MAP3K13: variants seen among roughly 807,000 people sequenced by gnomAD.
MAP3K13 encodes leucine zipper-bearing kinase.
MAP3K13 carries 52 observed loss-of-function variants against 104.0 expected under a neutral mutation model. The observed-to-expected ratio is 0.50, with a 90% CI of 0.40 to 0.63. The LOEUF is 0.63. Ranked by LOEUF, MAP3K13 falls within the 20% of genes least tolerant of loss-of-function variation. The pLI, the probability that MAP3K13 is intolerant of heterozygous loss-of-function variation, is 0.00. For missense variants in MAP3K13, 914 were observed against 1,218.5 expected, an observed-to-expected ratio of 0.75 and a Z score of 3.72; for synonymous variants, 394 against 442.2, an observed-to-expected ratio of 0.89 and a Z score of 1.37.
chr3:185,447,980 A>T, intron 5 of MAP3K13, 33 bp downstream of exon 5: 1 of 1,588,762 alleles, frequency 6.3e-7, no homozygotes, highest in Non-Finnish European at 8.6e-7. Context: ...CCAACTAAAA[A>T]GCCTTTTCCC....
chr3:185,339,344 TAATGA>T (rs370364138), intron 2 of MAP3K13, among the ~76,000 whole-genome samples: 5 of 152,028 alleles, frequency 3.3e-5, no homozygotes, highest in Non-Finnish European at 5.9e-5. Flanking sequence ...TAAACTAAAA[TAATGA>T]AATGAAATGA....
intron 13 of MAP3K13, among the ~76,000 whole-genome samples, chr3:185,481,834 C>T (rs1718477316): frequency 6.6e-6 from 1 of 152,240 alleles, no homozygotes; most frequent in South Asian, 2.1e-4. Flanking sequence ...CCTGTAATCC[C>T]AGCACTTTGG....
chr3:185,453,263 T>C (rs1715993003), intron 7 of MAP3K13, among the ~76,000 whole-genome samples: 1 of 152,218 alleles, frequency 6.6e-6, no homozygotes, highest in Admixed American at 6.5e-5. Context: ...TATAGCTTTA[T>C]CTCACTTAAT....
At chr3:185,318,511 C>G (rs1205093139) in intron 2 of MAP3K13, among the ~76,000 whole-genome samples, 1 of 152,184 alleles carries the variant, frequency 6.6e-6, no homozygotes, top group African/African-American at 2.4e-5. Flanking sequence ...TTTATTCAGT[C>G]CTGAATCTTG....
intron 2 of MAP3K13, among the ~76,000 whole-genome samples, chr3:185,339,977 C>CT (rs1485489086): frequency 7.1e-6 from 1 of 141,342 alleles, no homozygotes; most frequent in Non-Finnish European, 1.5e-5. Flanking sequence ...GTTTTGTGAC[C>CT]TTTAATTATT....
chr3:185,475,569 G>C (rs757370400), intron 11 of MAP3K13, among the ~76,000 whole-genome samples: 52 of 152,220 alleles, frequency 3.4e-4, no homozygotes, highest in African/African-American at 6.5e-4. Context: ...TGTGTTTCAG[G>C]GGGTGGCCGC....
intron 2 of MAP3K13, among the ~76,000 whole-genome samples, chr3:185,357,554 G>A (rs1300134003): frequency 6.6e-6 from 1 of 151,878 alleles, no homozygotes; most frequent in Non-Finnish European, 1.5e-5. Context: ...TGCTCTTTCA[G>A]TGTATAAAGT....
At position 185,451,268 on chromosome 3, in the gene MAP3K13, C is replaced by A. The variant is rs543841963; in HGVS notation, c.1170-19C>A. On this transcript the variant is annotated intron_variant, in intron 6 of 13. Transcript: ENST00000265026. ...GGATACAACTTCTGAAATGCACAAA[C>A]TGTCTTTTTCACTTTTAGGCAGAGT... 24 of 1,554,430 alleles carry A rather than the reference C, an allele frequency of 1.5e-5. No individual in the cohort carries two copies. The African/African-American group carries it at 3.1e-4, about 20-fold the overall frequency.
At chr3:185,357,443 C>A (rs1577459733) in intron 2 of MAP3K13, among the ~76,000 whole-genome samples, 1 of 93,932 alleles carries the variant, frequency 1.1e-5, no homozygotes, top group Non-Finnish European at 2.1e-5. Flanking sequence ...AGTGAAACTC[C>A]ATCTAAAAAA....
chr3:185,474,851 C>T (rs1577623279), intron 11 of MAP3K13, among the ~76,000 whole-genome samples: 1 of 152,218 alleles, frequency 6.6e-6, no homozygotes, highest in East Asian at 1.9e-4. Context: ...AATGCCAGCA[C>T]TTTGGAAGGC....
intron 2 of MAP3K13, chr3:185,291,491 G>T: frequency 1.1e-6 from 1 of 902,456 alleles, no homozygotes; most frequent in Non-Finnish European, 1.5e-6. Context: ...TTCTCCTTTT[G>T]TTCTTTCAGC....
At chr3:185,334,806 A>G (rs1449342214) in intron 2 of MAP3K13, among the ~76,000 whole-genome samples, 2 of 151,988 alleles carry the variant, frequency 1.3e-5, no homozygotes, top group African/African-American at 4.8e-5. Flanking sequence ...ACGGTGTTTC[A>G]CCATGTTGGC....
intron 13 of MAP3K13, among the ~76,000 whole-genome samples, chr3:185,481,006 G>A (rs1178278458): frequency 2.6e-5 from 4 of 152,188 alleles, no homozygotes; most frequent in Admixed American, 2.0e-4. Context: ...GGGACAGAGA[G>A]CCAAACCATA....
chr3:185,382,104 A>G (rs1724752295), intron 1 of MAP3K13, among the ~76,000 whole-genome samples: 1 of 152,248 alleles, frequency 6.6e-6, no homozygotes, highest in Admixed American at 6.5e-5. Flanking sequence ...CTCCCAGTAG[A>G]TACCTGAAAC....
chr3:185,395,656 CCTTCAATATTATTT>C (rs2108772298), intron 1 of MAP3K13, among the ~76,000 whole-genome samples: 1 of 150,444 alleles, frequency 6.6e-6, no homozygotes, highest in South Asian at 2.1e-4. Flanking sequence ...CCGTGCCCGG[CCTTCAATATTATTT>C]CTAATTCATC....
chr3:185,463,755 C>G (rs1001740088), intron 8 of MAP3K13, 96 bp downstream of exon 8: 4 of 660,494 alleles, frequency 6.1e-6, no homozygotes, highest in Non-Finnish European at 1.1e-5. Context: ...TTTCCACACA[C>G]CTTTCACCTC....
rs751456213 is a variant in MAP3K13, at chr3:185,473,229, A to G, written c.1898A>G (p.His633Arg). Residue 633 changes from histidine (H) to arginine (R), a missense_variant, in exon 11 of 14, where the codon CAC becomes CGC. Physicochemically the swap from His to Arg is conservative, Grantham distance 29. Coordinates refer to ENST00000265026, the MANE Select transcript of MAP3K13 (RefSeq NM_004721.5). The surrounding 1 kb of genome is among the most constrained non-coding windows in gnomAD (Gnocchi z 4.9). ...QAQSQYPSLH[H>R]HNSLQQQYQQ... The stretch of plus-strand genomic sequence containing the variant: ...CAATCCCAATACCCTTCTCTTCATC[A>G]CCATAATTCTCTGCAGCAGCAATAC... The G allele has an allele frequency of 1.9e-6, 3 of 1,613,948 alleles. No homozygotes were observed. In the East Asian group the frequency reaches 6.7e-5, roughly 36 times the overall value.
chr3:185,320,232 C>A lies in MAP3K13; in HGVS notation c.-86+34589C>A, dbSNP rs1305153147. On this transcript the variant is annotated intron_variant, in intron 2 of 14. Transcript: ENST00000424227. Reference sequence around the variant, plus strand: ...AGTAGCTGGGATTACAGGCGCCCGCCACCACGCCCAGCTAATTTTTGTATT... The same window carrying A: ...AGTAGCTGGGATTACAGGCGCCCGCAACCACGCCCAGCTAATTTTTGTATT... 2.0e-5 allele frequency among the ~76,000 whole-genome samples: 3 copies of A among 152,096 alleles called. No homozygotes were observed. In the East Asian group the frequency reaches 5.8e-4, roughly 29 times the overall value.
intron 1 of MAP3K13, among the ~76,000 whole-genome samples, chr3:185,385,359 G>T (rs1711627277): frequency 6.6e-6 from 1 of 152,126 alleles, no homozygotes; most frequent in Admixed American, 6.5e-5. Context: ...GTTTAGTAGA[G>T]ATGGGGTTTT....
Sources: gnomAD v4.1 joint callset for allele counts (sites outside exome capture counted in the v4.1 genomes callset) on GRCh38, gnomAD v4.1.1 for gene constraint, Gnocchi (gnomAD v3.1) non-coding constraint, MANE v1.5 for transcripts, NCBI Gene and HGNC (gene_info 2026-07-23, HGNC 2026-07-21) for gene names.